FCHO1: variants seen among roughly 807,000 people sequenced by gnomAD.
The protein encoded by FCHO1 is F-BAR domain only protein 1.
FCHO1 carries 45 observed loss-of-function variants against 114.4 expected under a neutral mutation model. That is an observed-to-expected ratio of 0.39 (90% CI 0.31 to 0.50). The LOEUF (loss-of-function observed/expected upper bound fraction) is 0.50. Ranked by LOEUF, FCHO1 falls within the 20% of genes least tolerant of loss-of-function variation. The pLI, the probability that FCHO1 is intolerant of heterozygous loss-of-function variation, is 0.77. For missense variants in FCHO1, 1,042 were observed against 1,209.6 expected (o/e 0.86, Z 2.06); for synonymous variants, 480 against 488.9 (o/e 0.98, Z 0.24).
At chr19:17,780,011 G>GTCA (rs1568365196) in intron 20 of FCHO1, among the ~76,000 whole-genome samples, 2 of 151,222 alleles carry the variant, frequency 1.3e-5, no homozygotes, top group African/African-American at 4.9e-5. Flanking sequence ...GGAAGCCCCC[G>GTCA]AGTCAGAGGG....
At chr19:17,771,533 G>T (rs2091540019) in intron 9 of FCHO1, among the ~76,000 whole-genome samples, 2 of 151,702 alleles carry the variant, frequency 1.3e-5, no homozygotes. Flanking sequence ...GCCGGGCGTG[G>T]TGGTGGGTGC....
Position 17,776,701 on chromosome 19 carries a change from A to C in FCHO1, c.1259+15A>C. On this transcript the variant is annotated intron_variant, in intron 18 of 28. Coordinates refer to ENST00000596536, the MANE Select transcript of FCHO1 (RefSeq NM_015122.3). The surrounding 1 kb of genome is among the most constrained non-coding windows in gnomAD (Gnocchi z 4.4). The stretch of plus-strand genomic sequence containing the variant: ...AGAACCAGCAGGTGGGTTCCACACG[A>C]GTGGGCAGGTGGGGGCTGTCCCCAC... 1 of 1,613,276 alleles carries C rather than the reference A, an allele frequency of 6.2e-7. No individual in the cohort carries two copies. Among genetic ancestry groups the C allele is most frequent in the Non-Finnish European group, 8.5e-7 (1 of 1,179,736 alleles).
chr19:17,758,300 G>T (rs997367308), intron 4 of FCHO1, among the ~76,000 whole-genome samples: 1 of 152,158 alleles, frequency 6.6e-6, no homozygotes, highest in Non-Finnish European at 1.5e-5. Flanking sequence ...GGTTAGGGAA[G>T]TTTCTAGAGC....
intron 11 of FCHO1, among the ~76,000 whole-genome samples, chr19:17,773,709 G>T (rs1452717175): frequency 6.6e-6 from 1 of 152,068 alleles, no homozygotes. Context: ...CACCCCCTGC[G>T]GTGGCACTGC....
upstream of FCHO1, among the ~76,000 whole-genome samples, chr19:17,749,159 G>A (rs1228297658): frequency 2.6e-5 from 4 of 152,186 alleles, no homozygotes; most frequent in African/African-American, 9.7e-5. Context: ...GTTCTCGGGC[G>A]AGGTCCTGGG....
intron 24 of FCHO1, among the ~76,000 whole-genome samples, chr19:17,783,710 A>T (rs2093634038): frequency 6.6e-6 from 1 of 152,018 alleles, no homozygotes; most frequent in Non-Finnish European, 1.5e-5. Flanking sequence ...CCACCTGAGT[A>T]GCTGGGATTA....
Position 17,781,293 on chromosome 19 carries a change from C to T in FCHO1, c.1690C>T (p.Leu564Phe), listed in dbSNP as rs776020985. 8 of 1,614,056 alleles carry T rather than the reference C, an allele frequency of 5.0e-6. No individual in the cohort carries two copies. In the South Asian group the frequency reaches 5.5e-5, roughly 11 times the overall value. ...REGLAAPPRR[L>F]RSRKVSCPLT... ...GGGCCTGGCAGCCCCACCCAGGAGA[C>T]TTCGCTCTAGGAAGGTGTCCTGCCC... The change falls in exon 21 of 29, where the codon CTT becomes TTT. Residue 564 changes from leucine (L) to phenylalanine (F), a missense_variant. Physicochemically the swap from Leu to Phe is conservative, Grantham distance 22 (BLOSUM62 0). This residue lies in a region of FCHO1 where 455 missense variants were observed against 455.4 expected (regional missense o/e 1.00). Transcript: ENST00000596536.
intron 4 of FCHO1, among the ~76,000 whole-genome samples, chr19:17,759,500 C>T (rs996422044): frequency 6.6e-6 from 1 of 151,548 alleles, no homozygotes. Flanking sequence ...TGGGATTACA[C>T]GCATGAGACA....
At chr19:17,783,287 G>A in intron 24 of FCHO1, 115 bp downstream of exon 24, 1 of 1,151,506 alleles carries the variant, frequency 8.7e-7, no homozygotes, top group Non-Finnish European at 1.2e-6. Flanking sequence ...TTTTTGTAGA[G>A]ACGGAGTCTT....
chr19:17,770,481 C>A lies in FCHO1; in HGVS notation c.393C>A (p.Ser131Arg). 1.2e-6 allele frequency: 2 copies of A among 1,613,876 alleles called. No homozygotes were observed. The highest frequency in any genetic ancestry group is 1.7e-6 in the Non-Finnish European group (2 of 1,179,888). ...CTGTGCAGGTACTCTCGGGCGTCAG[C>A]CAGCTCCTGCCCAAGTCCCGCGAGA... ...LDAVQVLSGV[S>R]QLLPKSRENY... The change falls in exon 8 of 29, where the codon AGC becomes AGA. Residue 131 changes from serine to arginine, a missense_variant. This residue lies in a region of FCHO1 where 450 missense variants were observed against 564.1 expected (regional missense o/e 0.80). Transcript: ENST00000596536.
At chr19:17,763,215 G>A (rs917061235) in intron 5 of FCHO1, among the ~76,000 whole-genome samples, 3 of 146,956 alleles carry the variant, frequency 2.0e-5, no homozygotes, top group African/African-American at 7.5e-5. Flanking sequence ...TCCTACCTCA[G>A]CTCCCGAGTA....
At chr19:17,777,845 G>C (rs12982045) in intron 18 of FCHO1, among the ~76,000 whole-genome samples, 136,011 of 152,176 alleles carry the variant, frequency 0.89, 61,108 homozygotes, top group Middle Eastern at 0.97. Flanking sequence ...TTGGGATCAG[G>C]CTGGCCAGCA....
In FCHO1 at chr19:17,757,819, G is replaced by C. The variant is rs140773976; in HGVS notation, c.27+2628G>C. Among the ~76,000 whole-genome samples, 357 of 151,442 alleles carry C rather than the reference G, an allele frequency of 2.4e-3. 1 individual carries two copies. Among genetic ancestry groups the C allele is most frequent in the Non-Finnish European group, 3.0e-3 (206 of 67,888 alleles). The stretch of plus-strand genomic sequence containing the variant: ...TGGTCCCAGCTACTTGGGAGGCTGA[G>C]GTGGGAGGATCGCTTGAGCCTGGGA... On this transcript the variant is annotated intron_variant, in intron 4 of 28. Transcript: ENST00000596536.
chr19:17,763,563 C>CTT (rs71162195), intron 5 of FCHO1, among the ~76,000 whole-genome samples: 10,136 of 112,970 alleles, frequency 0.09, 1,091 homozygotes, highest in East Asian at 0.22. Context: ...TGCACTCTGC[C>CTT]TTTTTTTTTT....
intron 4 of FCHO1, among the ~76,000 whole-genome samples, chr19:17,756,705 T>G (rs1283179684): frequency 6.6e-6 from 1 of 152,134 alleles, no homozygotes; most frequent in Non-Finnish European, 1.5e-5. Context: ...TCCTGTGACA[T>G]CTGTCATCAG....
At position 17,788,430 on chromosome 19, in the gene FCHO1, G is replaced by A. The variant is rs2094110619; in HGVS notation, c.*124G>A. ...CCCTGAGGCCCATACTCCACGGAGA[G>A]GAGCCCCATGCCCAGCCTGGCTGAG... is the stretch of plus-strand genomic sequence containing the variant. On this transcript the variant is annotated 3_prime_UTR_variant, in exon 29 of 29. Coordinates refer to ENST00000596536, the MANE Select transcript of FCHO1 (RefSeq NM_015122.3). The A allele has an allele frequency of 8.5e-6, 6 of 703,970 alleles. No individual in the cohort carries two copies. Among genetic ancestry groups the A allele is most frequent in the Admixed American group, 2.6e-5 (1 of 38,272 alleles). 43.6% of individuals were successfully genotyped at this position (703,970 alleles called of 1,614,324 possible). A position where few individuals can be genotyped will look rare whatever the true frequency, so the allele number is the denominator to read the frequency against.
chr19:17,764,521 G>T (rs1168336595), intron 6 of FCHO1, 72 bp downstream of exon 6: 1 of 1,273,124 alleles, frequency 7.9e-7, no homozygotes, highest in East Asian at 2.4e-5. Context: ...CTTCACACTC[G>T]GTGCATGTAG....
At position 17,762,749 on chromosome 19, in the gene FCHO1, C is replaced by T; in HGVS notation, c.28-13C>T. 2 of 1,595,348 alleles carry T rather than the reference C, an allele frequency of 1.3e-6. No homozygotes were observed. Among genetic ancestry groups the T allele is most frequent in the East Asian group, 2.2e-5 (1 of 44,772 alleles). ...CTCCATCCTTTCTCAATCTCTATTCCCATCCCCTGCAGGGCGAGAAAAATC... is the reference window on the plus strand; with the variant it reads ...CTCCATCCTTTCTCAATCTCTATTCTCATCCCCTGCAGGGCGAGAAAAATC... On this transcript the variant is annotated splice_polypyrimidine_tract_variant and intron_variant, in intron 4 of 28. Transcript: ENST00000596536.
At chr19:17,771,551 C>T (rs142943052) in intron 9 of FCHO1, among the ~76,000 whole-genome samples, 2,229 of 151,738 alleles carry the variant, frequency 0.015, 23 homozygotes, top group Middle Eastern at 0.024. Context: ...TGCCTGTAGT[C>T]CCAGCTGCTC....
Sources: allele counts gnomAD v4.1 joint callset (sites outside exome capture counted in the v4.1 genomes callset), GRCh38; gene constraint gnomAD v4.1.1; regional missense constraint gnomAD v4.1.1; non-coding constraint Gnocchi (gnomAD v3.1); transcripts MANE v1.5; gene names NCBI Gene and HGNC (gene_info 2026-07-23, HGNC 2026-07-21).